CYP27B1: variants seen among roughly 807,000 people sequenced by gnomAD.
CYP27B1 encodes the protein 25-hydroxyvitamin D-1 alpha hydroxylase, mitochondrial.
Under a neutral mutation model 54.8 loss-of-function variants are expected in CYP27B1, and 46 were observed. The observed-to-expected ratio is 0.84, with a 90% confidence interval of 0.66 to 1.07. The LOEUF (loss-of-function observed/expected upper bound fraction) is 1.07. CYP27B1 is among the 50% of genes least tolerant of loss of function. CYP27B1 has a pLI of 0.00. For synonymous variants in CYP27B1, 292 were observed against 297.3 expected, an observed-to-expected ratio of 0.98 and a Z score of 0.18; for missense variants, 674 against 692.2, an observed-to-expected ratio of 0.97 and a Z score of 0.30.
Position 57,765,957 on chromosome 12 carries a change from G to C in CYP27B1, c.386+50C>G. ...TTGATAGTTTCGGGACCCGCAGCAGGAGAGGGCCGCTGCAGGGCGTCTGGG... is the reference window on the plus strand; with the variant it reads ...TTGATAGTTTCGGGACCCGCAGCAGCAGAGGGCCGCTGCAGGGCGTCTGGG... On this transcript the variant is annotated intron_variant, in intron 2 of 8. Transcript: ENST00000228606. This position sits in a 1 kb window ranked among gnomAD's most constrained non-coding sequence, Gnocchi z 5.8. 2 of 1,498,080 alleles carry C rather than the reference G, an allele frequency of 1.3e-6. No homozygotes were observed. Among genetic ancestry groups the C allele is most frequent in the East Asian group, 5.0e-5 (2 of 40,348 alleles). 92.8% of individuals were successfully genotyped at this position (1,498,080 alleles called of 1,614,324 possible).
chr12:57,764,861 C>T lies in CYP27B1; in HGVS notation c.856G>A (p.Asp286Asn), dbSNP rs772608705. 1 of 1,614,194 alleles carries T rather than the reference C, an allele frequency of 6.2e-7. No individual in the cohort carries two copies. The highest frequency in any genetic ancestry group is 1.1e-5 in the South Asian group (1 of 91,080). Residue 286 changes from aspartate (D) to asparagine (N), a missense_variant, in exon 5 of 9, where the codon GAC becomes AAC. Asp to Asn is a conservative substitution (Grantham distance 23). Coordinates refer to ENST00000228606, the MANE Select transcript of CYP27B1 (RefSeq NM_000785.4). ...AMRNGGQPEKDLESGAHLTHF... is the reference protein window; with the variant it reads ...AMRNGGQPEKNLESGAHLTHF... ...GTCAGGTGCGCCCCAGACTCCAGGTCCTTCTCGGGCTGTCCTCCGTTCCTC... is the reference window on the plus strand; with the variant it reads ...GTCAGGTGCGCCCCAGACTCCAGGTTCTTCTCGGGCTGTCCTCCGTTCCTC...
In CYP27B1 at chr12:57,765,555, TGGCTGCAGTGAAGGAGCGCGTTC is replaced by T. The variant is rs1282516856; in HGVS notation, c.387-79_387-57del. The T allele has an allele frequency of 2.6e-6, 4 of 1,537,046 alleles. No homozygotes were observed. The highest frequency in any genetic ancestry group is 3.5e-6 in the Non-Finnish European group (4 of 1,127,782). ...GAAGGTGGGGACGGCTCGACGGGAC[TGGCTGCAGTGAAGGAGCGCGTTC>T]GGCTGCGGTGGCCAGGAGAGGGATT... On this transcript the variant is annotated intron_variant, in intron 2 of 8. Transcript: ENST00000228606. This position sits in a 1 kb window ranked among gnomAD's most constrained non-coding sequence, Gnocchi z 5.8.
rs1955346079 is a variant in CYP27B1 at position 57,764,886 on chromosome 12, C to T, written c.831G>A (p.Met277Ile). ...CCTTCTCGGGCTGTCCTCCGTTCCT[C>T]ATGGCTGCCTCTGCCTCTCGCCGCT... The part of the protein sequence containing the change: ...HVERREAEAA[M>I]RNGGQPEKDL... Residue 277 changes from methionine to isoleucine, a missense_variant, in exon 5 of 9, where the codon ATG becomes ATA. Transcript: ENST00000228606. The T allele has an allele frequency of 1.9e-6, 3 of 1,614,068 alleles. No homozygotes were observed. Among genetic ancestry groups the T allele is most frequent in the East Asian group, 2.2e-5 (1 of 44,890 alleles).
chr12:57,763,830 T>G, intron 7 of CYP27B1, 22 bp from the exon 8 acceptor site: 1 of 1,612,028 alleles, frequency 6.2e-7, no homozygotes. Context: ...GAAAACAAAC[T>G]TGTCAGTTTG....
chr12:57,764,660 G>C (rs766852711), intron 5 of CYP27B1, 94 bp downstream of exon 5: 1 of 1,589,920 alleles, frequency 6.3e-7, no homozygotes, highest in Non-Finnish European at 8.6e-7. Flanking sequence ...TGGTCTACGT[G>C]GCCATAATGG....
Position 57,763,747 on chromosome 12 carries a change from T to A in CYP27B1, c.1277A>T (p.Asn426Ile). ...SRDPAQFPEP[N>I]SFRPARWLGE... The stretch of plus-strand genomic sequence containing the variant: ...CAGCCAGCGAGCTGGACGAAAAGAA[T>A]TTGGCTCTGGGAACTGGGCAGGGTC... The change falls in exon 8 of 9, where the codon AAT (asparagine) becomes ATT (isoleucine). Residue 426 changes from asparagine (N) to isoleucine (I), a missense_variant. Transcript: ENST00000228606. 6.2e-7 allele frequency: 1 copy of A among 1,614,068 alleles called. No individual in the cohort carries two copies. Among genetic ancestry groups the A allele is most frequent in the Non-Finnish European group, 8.5e-7 (1 of 1,179,992 alleles).
At position 57,764,756 on chromosome 12, in the gene CYP27B1, T is replaced by A; in HGVS notation, c.961A>T (p.Thr321Ser). Reference sequence around the variant, plus strand: ...ACAGCACGGAGGGAGAACCTCACCGTGTCCACTCCCGCCAATAGCAACTCT... The same window carrying A: ...ACAGCACGGAGGGAGAACCTCACCGAGTCCACTCCCGCCAATAGCAACTCT... ...VTELLLAGVD[T>S]VSNTLSWALY... Residue 321 changes from threonine (T) to serine (S), a missense_variant and splice_region_variant, in exon 5 of 9, where the codon ACG (threonine) becomes TCG (serine). Coordinates refer to ENST00000228606, the MANE Select transcript of CYP27B1 (RefSeq NM_000785.4). The A allele has an allele frequency of 6.2e-7, 1 of 1,614,072 alleles. No homozygotes were observed. Among genetic ancestry groups the A allele is most frequent in the Admixed American group, 1.7e-5 (1 of 60,016 alleles).
At position 57,765,899 on chromosome 12, in the gene CYP27B1, G is replaced by A. The variant is rs1955356010; in HGVS notation, c.386+108C>T. On this transcript the variant is annotated intron_variant, in intron 2 of 8. Transcript: ENST00000228606. This position sits in a 1 kb window ranked among gnomAD's most constrained non-coding sequence, Gnocchi z 5.8. Reference sequence around the variant, plus strand: ...GAACCCCAAGATGCCCAATGGTAGAGTGGGACAGCCGACCTCCCACCATGC... The same window carrying A: ...GAACCCCAAGATGCCCAATGGTAGAATGGGACAGCCGACCTCCCACCATGC... 11 of 1,441,694 alleles carry A rather than the reference G, an allele frequency of 7.6e-6. No individual in the cohort carries two copies. Among genetic ancestry groups the A allele is most frequent in the Non-Finnish European group, 1.0e-5 (11 of 1,101,110 alleles). The allele number at this position is 1,441,694 out of a possible 1,614,324, so 89.3% of individuals were successfully genotyped here.
At chr12:57,764,233 C>T (rs1452018580) in intron 6 of CYP27B1, 57 bp from the exon 7 acceptor site, 8 of 1,558,270 alleles carry the variant, frequency 5.1e-6, no homozygotes, top group Non-Finnish European at 6.2e-6. Flanking sequence ...CTGCAGCCCC[C>T]TTCTCATTGT....
In CYP27B1 at chr12:57,765,824, G is replaced by T; in HGVS notation, c.386+183C>A. 1 of 1,203,072 alleles carries T rather than the reference G, an allele frequency of 8.3e-7. No individual in the cohort carries two copies. Among genetic ancestry groups the T allele is most frequent in the Non-Finnish European group, 1.1e-6 (1 of 886,652 alleles). The allele number at this position is 1,203,072 out of a possible 1,614,324, so 74.5% of individuals were successfully genotyped here. On this transcript the variant is annotated intron_variant, in intron 2 of 8. Coordinates refer to ENST00000228606, the MANE Select transcript of CYP27B1 (RefSeq NM_000785.4). The surrounding 1 kb of genome is among the most constrained non-coding windows in gnomAD (Gnocchi z 5.8). Reference sequence around the variant, plus strand: ...CCTCAAAGGATAAGGAGGTAGGCGGGGAGTGAGGTTGGGGCTCAACCTGAG... The same window carrying T: ...CCTCAAAGGATAAGGAGGTAGGCGGTGAGTGAGGTTGGGGCTCAACCTGAG...
chr12:57,764,088 C>T lies in CYP27B1; in HGVS notation c.1215+10G>A. On this transcript the variant is annotated intron_variant, in intron 7 of 8. Transcript: ENST00000228606. ...TGGCTCAGTAGAAAGGGTGCATAGG[C>T]TTTACTCACATTTTTGGGGATAATA... The T allele has an allele frequency of 6.2e-7, 1 of 1,604,838 alleles. No homozygotes were observed. The highest frequency in any genetic ancestry group is 1.1e-5 in the South Asian group (1 of 90,876).
At position 57,765,224 on chromosome 12, in the gene CYP27B1, G is replaced by A. The variant is rs368166625; in HGVS notation, c.590-13C>T. On this transcript the variant is annotated splice_polypyrimidine_tract_variant and intron_variant, in intron 3 of 8. Coordinates refer to ENST00000228606, the MANE Select transcript of CYP27B1 (RefSeq NM_000785.4). The surrounding 1 kb of genome is among the most constrained non-coding windows in gnomAD (Gnocchi z 5.8). ...ACCGCGGCGATGCCTTGTCGGGAGG[G>A]GGCGCCGTCAGGGTTCCGGGAGGCT... is the stretch of plus-strand genomic sequence containing the variant. The A allele has an allele frequency of 6.2e-7, 1 of 1,611,694 alleles. No individual in the cohort carries two copies. Among genetic ancestry groups the A allele is most frequent in the South Asian group, 1.1e-5 (1 of 90,910 alleles).
At position 57,765,734 on chromosome 12, in the gene CYP27B1, C is replaced by A; in HGVS notation, c.387-235G>T. 5.0e-6 allele frequency: 4 copies of A among 804,342 alleles called. No individual in the cohort carries two copies. Among genetic ancestry groups the A allele is most frequent in the Admixed American group, 2.2e-5 (1 of 46,250 alleles). 49.8% of individuals were successfully genotyped at this position (804,342 alleles called of 1,614,324 possible). A position where few individuals can be genotyped will look rare whatever the true frequency, so the allele number is the denominator to read the frequency against. Reference sequence around the variant, plus strand: ...AACTTGAGTCACAGAACCTTACATTCATTCCATCCAGATCCTTGTACCCTA... The same window carrying A: ...AACTTGAGTCACAGAACCTTACATTAATTCCATCCAGATCCTTGTACCCTA... On this transcript the variant is annotated intron_variant, in intron 2 of 8. Coordinates refer to ENST00000228606, the MANE Select transcript of CYP27B1 (RefSeq NM_000785.4). The surrounding 1 kb of genome is among the most constrained non-coding windows in gnomAD (Gnocchi z 5.8).
chr12:57,764,895 C>G lies in CYP27B1; in HGVS notation c.822G>C (p.Glu274Asp). Reference protein sequence around the residue: ...AQRHVERREAEAAMRNGGQPE... With the variant: ...AQRHVERREADAAMRNGGQPE... ...GCTGTCCTCCGTTCCTCATGGCTGC[C>G]TCTGCCTCTCGCCGCTCCACGTGCC... Residue 274 changes from glutamate to aspartate, a missense_variant, in exon 5 of 9, where the codon GAG becomes GAC. By Grantham distance (45) the Glu-to-Asp change is conservative (BLOSUM62 2). Transcript: ENST00000228606. 1 of 1,614,230 alleles carries G rather than the reference C, an allele frequency of 6.2e-7. No individual in the cohort carries two copies. Among genetic ancestry groups the G allele is most frequent in the Non-Finnish European group, 8.5e-7 (1 of 1,180,050 alleles).
rs754122776 is a variant in CYP27B1, at chr12:57,766,939, G to A, written c.103C>T (p.Arg35Trp). 1.5e-5 allele frequency: 25 copies of A among 1,614,070 alleles called. No homozygotes were observed. The highest frequency in any genetic ancestry group is 1.3e-4 in the African/African-American group (10 of 74,922). Reference sequence around the variant, plus strand: ...GGGCCTGGGATGTCTGCCAAGCTCCGGCGTGCTGAGTGGTACTCTCGGTAG... The same window carrying A: ...GGGCCTGGGATGTCTGCCAAGCTCCAGCGTGCTGAGTGGTACTCTCGGTAG... ...LGYREYHSAR[R>W]SLADIPGPST... Residue 35 changes from arginine to tryptophan, a missense_variant, in exon 1 of 9, where the codon CGG becomes TGG. Transcript: ENST00000228606.
chr12:57,762,905 A>G lies in CYP27B1; in HGVS notation c.*237T>C, dbSNP rs1246572497. 7.8e-6 allele frequency: 4 copies of G among 514,078 alleles called. No homozygotes were observed. Among genetic ancestry groups the G allele is most frequent in the African/African-American group, 3.8e-5 (2 of 51,996 alleles). The allele number at this position is 514,078 out of a possible 1,614,324, so 31.8% of individuals were successfully genotyped here. A position where few individuals can be genotyped will look rare whatever the true frequency, so the allele number is the denominator to read the frequency against. On this transcript the variant is annotated 3_prime_UTR_variant, in exon 9 of 9. Transcript: ENST00000228606. ...GATTTCATCCTTGGGGGATGCATAC[A>G]TGATCAGAAGGGCCAAGCAAGCAGA...
Position 57,764,883 on chromosome 12 carries a change from CCT to C in CYP27B1, c.832_833del (p.Arg278GlufsTer54), listed in dbSNP as rs1955346054. 6.2e-7 allele frequency: 1 copy of C among 1,614,090 alleles called. No individual in the cohort carries two copies. The highest frequency in any genetic ancestry group is 2.2e-5 in the East Asian group (1 of 44,892). On this transcript the variant is annotated frameshift_variant, in exon 5 of 9. Transcript: ENST00000228606. LOFTEE classifies it high-confidence loss of function. ...VERREAEAAMRNGGQPEKDLE... is the reference protein window; with the variant it reads ...VERREAEAAMXNGGQPEKDLE... ...GGTCCTTCTCGGGCTGTCCTCCGTT[CCT>C]CATGGCTGCCTCTGCCTCTCGCCGC...
Position 57,763,671 on chromosome 12 carries a change from G to A in CYP27B1, c.1353C>T (p.Gly451=). The A allele has an allele frequency of 6.2e-7, 1 of 1,613,448 alleles. No individual in the cohort carries two copies. The highest frequency in any genetic ancestry group is 1.3e-5 in the African/African-American group (1 of 74,954). Residue 451 remains glycine, a synonymous_variant, in exon 8 of 9, where the codon GGC becomes GGT. Coordinates refer to ENST00000228606, the MANE Select transcript of CYP27B1 (RefSeq NM_000785.4). ...HPFASLPFGF[G]KRSCMGRRLA... The stretch of plus-strand genomic sequence containing the variant: ...GGCGTCTCCCCATACAGCTGCGCTT[G>A]CCAAAGCCAAAGGGAAGAGATGCAA...
rs1401375628 is a variant in CYP27B1 at position 57,767,027 on chromosome 12, G to C, written c.15C>G (p.Leu5=). ...GATGGAACACTCTGGAGGCGTACTT[G>C]AGGGTCTGGGTCATGGTCTGGTTCA... MTQT[L]KYASRVFHRV... The change falls in exon 1 of 9, where the codon CTC becomes CTG. Residue 5 remains leucine (L), a synonymous_variant. Coordinates refer to ENST00000228606, the MANE Select transcript of CYP27B1 (RefSeq NM_000785.4). 1.9e-6 allele frequency: 3 copies of C among 1,614,114 alleles called. No individual in the cohort carries two copies. Among genetic ancestry groups the C allele is most frequent in the African/African-American group, 2.7e-5 (2 of 74,944 alleles).
Sources: gnomAD v4.1 joint callset for allele counts on GRCh38, gnomAD v4.1.1 for gene constraint, Gnocchi (gnomAD v3.1) non-coding constraint, MANE v1.5 for transcripts, NCBI Gene and HGNC (gene_info 2026-07-23, HGNC 2026-07-21) for gene names.